The following AKT2 variants were observed in gnomAD, a reference collection of about 807,000 sequenced individuals.
The protein encoded by AKT2 is AKT serine/threonine kinase 2.
In AKT2, 16 loss-of-function variants were observed where a neutral mutation model predicts 58.6. The ratio of observed to expected loss-of-function variants is 0.27; its 90% confidence interval spans 0.18 to 0.41. The LOEUF is 0.41. AKT2 is among the 10% of genes least tolerant of loss of function. The pLI is 1.00. For missense variants in AKT2, 438 were observed against 661.0 expected (o/e 0.66, Z 3.70); for synonymous variants, 253 against 254.0 (o/e 1.00, Z 0.04).
intron 1 of AKT2, among the ~76,000 whole-genome samples, chr19:40,283,555 G>A (rs547410999): frequency 1.6e-4 from 25 of 152,336 alleles, no homozygotes; most frequent in Non-Finnish European, 3.4e-4. Flanking sequence ...ACCAGCCCAG[G>A]TCTGCTGGGT....
chr19:40,275,764 T>TGGGG (rs1004974778), intron 1 of AKT2, among the ~76,000 whole-genome samples: 58 of 4,738 alleles, frequency 0.012, 1 homozygote, highest in South Asian at 0.046. Context: ...TTTGGGAGGC[T>TGGGG]GGGGGGGGGG....
At chr19:40,250,700 C>A (rs903724700) in intron 4 of AKT2, among the ~76,000 whole-genome samples, 1 of 151,780 alleles carries the variant, frequency 6.6e-6, no homozygotes, top group Non-Finnish European at 1.5e-5. Flanking sequence ...TGGTGGCAGG[C>A]GCCTGTAGTT....
intron 2 of AKT2, among the ~76,000 whole-genome samples, chr19:40,262,488 G>A (rs1029607009): frequency 6.6e-6 from 1 of 152,224 alleles, no homozygotes; most frequent in Non-Finnish European, 1.5e-5. Flanking sequence ...CTCTGCTAAT[G>A]GTGGTGTGCT....
chr19:40,257,373 CA>C (rs1975612448), intron 2 of AKT2, among the ~76,000 whole-genome samples: 4 of 152,304 alleles, frequency 2.6e-5, no homozygotes, highest in African/African-American at 9.6e-5. Context: ...GGCCTAGTCC[CA>C]GGGGAGGCCC....
At chr19:40,274,630 C>T in intron 1 of AKT2, 7 of 223,508 alleles carry the variant, frequency 3.1e-5, no homozygotes, top group South Asian at 2.8e-4. Flanking sequence ...AGGATGGTGA[C>T]AGAAGGGCGC....
intron 1 of AKT2, among the ~76,000 whole-genome samples, chr19:40,278,648 C>G (rs1018614052): frequency 1.3e-5 from 2 of 152,044 alleles, no homozygotes; most frequent in African/African-American, 4.8e-5. Context: ...CGAGCCTGTG[C>G]CCACTGCCCT....
intron 1 of AKT2, among the ~76,000 whole-genome samples, chr19:40,280,250 G>A (rs1159782704): frequency 6.6e-6 from 1 of 152,174 alleles, no homozygotes; most frequent in South Asian, 2.1e-4. Context: ...GTATTAGTCC[G>A]GCTGGTTGGG....
At chr19:40,243,181 T>C (rs1974520175) in intron 4 of AKT2, 1 of 167,566 alleles carries the variant, frequency 6.0e-6, no homozygotes, top group Non-Finnish European at 1.3e-5. Flanking sequence ...CGATCACCAA[T>C]TTCCCTAAAG....
At chr19:40,252,516 C>T (rs1975230707) in intron 4 of AKT2, among the ~76,000 whole-genome samples, 1 of 152,140 alleles carries the variant, frequency 6.6e-6, no homozygotes, top group Non-Finnish European at 1.5e-5. Flanking sequence ...CTGCATCAGC[C>T]GCTCCTATTT....
chr19:40,242,729 G>C lies in AKT2; in HGVS notation c.288-42C>G. On this transcript the variant is annotated intron_variant, in intron 4 of 13. Transcript: ENST00000392038. The surrounding 1 kb of genome is among the most constrained non-coding windows in gnomAD (Gnocchi z 4.3). ...GTGAGTCCCAGCAGCCAGGAGTCCT[G>C]GGCCTCAGAGTCGAACAGCTGAGTG... 1 of 1,604,128 alleles carries C rather than the reference G, an allele frequency of 6.2e-7. No individual in the cohort carries two copies. Among genetic ancestry groups the C allele is most frequent in the Non-Finnish European group, 8.5e-7 (1 of 1,179,132 alleles).
chr19:40,274,742 G>A (rs1048076303), intron 1 of AKT2: 9 of 302,978 alleles, frequency 3.0e-5, no homozygotes, highest in East Asian at 2.4e-4. Context: ...GCTGAGGCGC[G>A]TTCGAGGCGC....
intron 1 of AKT2, among the ~76,000 whole-genome samples, chr19:40,276,619 C>A (rs2077330766): frequency 6.6e-6 from 1 of 152,012 alleles, no homozygotes; most frequent in South Asian, 2.1e-4. Flanking sequence ...CCTCCTCGGC[C>A]TCCCAAAGTG....
intron 1 of AKT2, among the ~76,000 whole-genome samples, chr19:40,271,212 C>CAT (rs57995088): frequency 0.18 from 25,296 of 139,810 alleles, 2,660 homozygotes; most frequent in African/African-American, 0.29. Flanking sequence ...TACATACATA[C>CAT]ATATATATAT....
chr19:40,256,399 G>A (rs1200988863), intron 3 of AKT2, among the ~76,000 whole-genome samples: 1 of 152,146 alleles, frequency 6.6e-6, no homozygotes, highest in Admixed American at 6.5e-5. Flanking sequence ...GGCAGAAAGG[G>A]GCAGCGATGT....
At chr19:40,265,490 C>G in intron 1 of AKT2, 139 bp from the exon 2 acceptor site, 2 of 1,207,012 alleles carry the variant, frequency 1.7e-6, no homozygotes, top group Non-Finnish European at 2.3e-6. Context: ...GGCGTGGAGC[C>G]CGCTCTCAAG....
rs531963039 is a variant in AKT2 at position 40,235,501 on chromosome 19, G to T, written c.1176-151C>A. 7 of 774,302 alleles carry T rather than the reference G, an allele frequency of 9.0e-6. No homozygotes were observed. Among genetic ancestry groups the T allele is most frequent in the Non-Finnish European group, 1.3e-5 (6 of 457,586 alleles). The allele number at this position is 774,302 out of a possible 1,614,324, so 48.0% of individuals were successfully genotyped here. On this transcript the variant is annotated intron_variant, in intron 11 of 13. Transcript: ENST00000392038. This position sits in a 1 kb window ranked among gnomAD's most constrained non-coding sequence, Gnocchi z 6.3. ...AGGAGGAAACCGAGGCTCAGGGAGG[G>T]AGCTCACGTGCCCAGGGTCAGAGCC...
intron 6 of AKT2, chr19:40,240,649 G>C: frequency 3.2e-6 from 1 of 309,428 alleles, no homozygotes; most frequent in Non-Finnish European, 6.3e-6. Flanking sequence ...GTTCTAATTT[G>C]GTACCTGACT....
At chr19:40,278,352 A>G (rs2145426862) in intron 1 of AKT2, among the ~76,000 whole-genome samples, 1 of 152,214 alleles carries the variant, frequency 6.6e-6, no homozygotes, top group South Asian at 2.1e-4. Context: ...TGTGGTGAGG[A>G]TGAGTGAGAG....
chr19:40,284,808 G>C (rs528287502), intron 1 of AKT2: 4 of 172,762 alleles, frequency 2.3e-5, no homozygotes, highest in Middle Eastern at 2.5e-3. Context: ...GCGCCAAAAA[G>C]GTACAGCCCT....
Sources: gnomAD v4.1 joint callset for allele counts (sites outside exome capture counted in the v4.1 genomes callset) on GRCh38, gnomAD v4.1.1 for gene constraint, Gnocchi (gnomAD v3.1) non-coding constraint, MANE v1.5 for transcripts, NCBI Gene and HGNC (gene_info 2026-07-23, HGNC 2026-07-21) for gene names.